VPS13C: variants seen among roughly 807,000 people sequenced by gnomAD.
VPS13C encodes the protein intermembrane lipid transfer protein VPS13C.
A neutral mutation model predicts 456.8 loss-of-function variants in VPS13C; 358 were observed. The ratio of observed to expected loss-of-function variants is 0.78; its 90% CI spans 0.72 to 0.86. The LOEUF (loss-of-function observed/expected upper bound fraction) is 0.86. Among genes scored for constraint, VPS13C ranks in the 40% least tolerant of loss-of-function variants. The pLI is 0.00. For missense variants in VPS13C, 4,818 were observed against 4,385.4 expected (o/e 1.10, Z -2.79); for synonymous variants, 1,578 against 1,486.7 (o/e 1.06, Z -1.41).
intron 51 of VPS13C, among the ~76,000 whole-genome samples, chr15:61,928,793 T>C (rs2140213933): frequency 6.6e-6 from 1 of 151,872 alleles, no homozygotes; most frequent in African/African-American, 2.4e-5. Context: ...GTGGGAGAAC[T>C]GCTTGAGCCC....
intron 40 of VPS13C, 137 bp from the exon 41 acceptor site, chr15:61,950,554 T>TAAA: frequency 1.6e-6 from 1 of 642,258 alleles, no homozygotes; most frequent in Non-Finnish European, 2.5e-6. Context: ...AGAAAGCCAT[T>TAAA]CAAAAAAAAA....
At chr15:62,041,802 A>C (rs916106773) in intron 2 of VPS13C, among the ~76,000 whole-genome samples, 13 of 152,238 alleles carry the variant, frequency 8.5e-5, no homozygotes, top group South Asian at 4.1e-4. Flanking sequence ...CCTGGGTGAC[A>C]AGACAAAACT....
chr15:61,956,550 T>C (rs1458657339), intron 37 of VPS13C, among the ~76,000 whole-genome samples: 1 of 152,078 alleles, frequency 6.6e-6, no homozygotes, highest in East Asian at 1.9e-4. Context: ...CATATATGCA[T>C]ACAACACACA....
chr15:61,940,986 C>T (rs1432654636), intron 46 of VPS13C, among the ~76,000 whole-genome samples, 192 bp from the exon 47 acceptor site: 2 of 152,140 alleles, frequency 1.3e-5, no homozygotes, highest in South Asian at 2.1e-4. Flanking sequence ...ATATGCAGAG[C>T]TATCCAAAAC....
intron 1 of VPS13C, among the ~76,000 whole-genome samples, chr15:62,052,046 T>C (rs1438697540): frequency 6.6e-6 from 1 of 152,116 alleles, no homozygotes; most frequent in Non-Finnish European, 1.5e-5. Flanking sequence ...AAGAATAGAA[T>C]CTATGTCTCC....
At position 61,915,614 on chromosome 15, in the gene VPS13C, T is replaced by G; in HGVS notation, c.8445+19A>C. 1 of 1,553,750 alleles carries G rather than the reference T, an allele frequency of 6.4e-7. No individual in the cohort carries two copies. ...TAGGAATTTATCTGCTTTAACTTAT[T>G]ATGTGAACAAAACCACACCTTATTT... On this transcript the variant is annotated intron_variant, in intron 61 of 84. Coordinates refer to ENST00000644861, the MANE Select transcript of VPS13C (RefSeq NM_020821.3).
intron 79 of VPS13C, among the ~76,000 whole-genome samples, chr15:61,870,102 C>A (rs1327741824): frequency 6.6e-6 from 1 of 152,134 alleles, no homozygotes; most frequent in Non-Finnish European, 1.5e-5. Flanking sequence ...TTAAAATGTA[C>A]AAATTAAATT....
chr15:61,869,679 G>A (rs1286018891), intron 79 of VPS13C, 56 bp from the exon 80 acceptor site: 1 of 1,605,172 alleles, frequency 6.2e-7, no homozygotes, highest in African/African-American at 1.3e-5. Flanking sequence ...GAGCAAGTTT[G>A]AGCTCAACCA....
At chr15:62,015,066 G>A (rs1296860805) in intron 9 of VPS13C, among the ~76,000 whole-genome samples, 1 of 152,064 alleles carries the variant, frequency 6.6e-6, no homozygotes, top group Non-Finnish European at 1.5e-5. Flanking sequence ...CAGACAATAG[G>A]AGGTATATGA....
At chr15:61,940,915 CT>C in intron 46 of VPS13C, 121 bp from the exon 47 acceptor site, 1 of 971,126 alleles carries the variant, frequency 1.0e-6, no homozygotes, top group Non-Finnish European at 1.5e-6. Flanking sequence ...TAACAGAAGT[CT>C]TTTAGAATAC....
intron 49 of VPS13C, 120 bp downstream of exon 49, chr15:61,934,099 G>T: frequency 1.9e-6 from 1 of 532,198 alleles, no homozygotes; most frequent in Non-Finnish European, 3.1e-6. Context: ...AGGCCAAATA[G>T]AATTTTATAG....
At chr15:61,856,544 T>A in intron 82 of VPS13C, 135 bp from the exon 83 acceptor site, 1 of 964,964 alleles carries the variant, frequency 1.0e-6, no homozygotes, top group Non-Finnish European at 1.5e-6. Context: ...AAAAAAAACC[T>A]GCTTCATTTT....
intron 62 of VPS13C, among the ~76,000 whole-genome samples, chr15:61,912,712 T>C (rs567730239): frequency 6.7e-4 from 101 of 151,728 alleles, no homozygotes; most frequent in Non-Finnish European, 1.3e-3. Context: ...TACATATGTA[T>C]ACATGTACCA....
rs1009568820 is a variant in VPS13C, at chr15:61,858,015, C to T, written c.10953-1606G>A. Among the ~76,000 whole-genome samples the T allele has an allele frequency of 1.3e-5, 2 of 152,132 alleles. No individual in the cohort carries two copies. Among genetic ancestry groups the T allele is most frequent in the African/African-American group, 2.4e-5 (1 of 41,424 alleles). Reference sequence around the variant, plus strand: ...CAATCACTGTGGCAATCTCCAACACCACCATACATTTCCAAACAGTCTCCA... The same window carrying T: ...CAATCACTGTGGCAATCTCCAACACTACCATACATTTCCAAACAGTCTCCA... On this transcript the variant is annotated intron_variant, in intron 82 of 84. Coordinates refer to ENST00000644861, the MANE Select transcript of VPS13C (RefSeq NM_020821.3). This position sits in a 1 kb window ranked among gnomAD's most constrained non-coding sequence, Gnocchi z 4.4.
chr15:61,865,776 A>G (rs1017019079), intron 81 of VPS13C: 9 of 731,526 alleles, frequency 1.2e-5, no homozygotes, highest in Non-Finnish European at 1.5e-5. Flanking sequence ...GTGTGTATAT[A>G]TGTATGTGTA....
intron 12 of VPS13C, among the ~76,000 whole-genome samples, chr15:62,011,518 G>C (rs1302933830): frequency 6.6e-6 from 1 of 151,890 alleles, no homozygotes. Context: ...AACAACGTGA[G>C]TATGAAAGCT....
In VPS13C at chr15:61,867,486, C is replaced by A; in HGVS notation, c.10863+1173G>T. ...TCCCGTAACTTAAGCAAATTTAGAGCCATTTGTGAAACAGAAAGCTATGTA... is the reference window on the plus strand; with the variant it reads ...TCCCGTAACTTAAGCAAATTTAGAGACATTTGTGAAACAGAAAGCTATGTA... On this transcript the variant is annotated intron_variant, in intron 81 of 84. Coordinates refer to ENST00000644861, the MANE Select transcript of VPS13C (RefSeq NM_020821.3). This position sits in a 1 kb window ranked among gnomAD's most constrained non-coding sequence, Gnocchi z 5.0. 1.0e-6 allele frequency: 1 copy of A among 988,228 alleles called. No individual in the cohort carries two copies. The highest frequency in any genetic ancestry group is 1.2e-6 in the Non-Finnish European group (1 of 832,118). 61.2% of individuals were successfully genotyped at this position (988,228 alleles called of 1,614,324 possible). A position where few individuals can be genotyped will look rare whatever the true frequency, so the allele number is the denominator to read the frequency against.
chr15:61,892,520 G>C (rs902872218), intron 66 of VPS13C, among the ~76,000 whole-genome samples: 5 of 152,134 alleles, frequency 3.3e-5, no homozygotes, highest in Admixed American at 3.3e-4. Context: ...ACATATTCTA[G>C]AAAGACCAAA....
chr15:61,962,811 G>C lies in VPS13C; in HGVS notation c.3373C>G (p.Leu1125Val), dbSNP rs754415374. Residue 1125 changes from leucine to valine, a missense_variant, in exon 33 of 85, where the codon CTT becomes GTT. Physicochemically the swap from Leu to Val is conservative, Grantham distance 32 (BLOSUM62 1). This residue lies in a region of VPS13C where 4,552 missense variants were observed against 4,130.6 expected (regional missense o/e 1.10). Transcript: ENST00000644861. ...ATAATATTTTCTAGTCGGGCAAAAA[G>C]TGACTGCTTTCTTGACTGGAGAGAA... is the stretch of plus-strand genomic sequence containing the variant. ...SLSLQSRKQS[L>V]FARLENIIVT... The C allele has an allele frequency of 6.2e-7, 1 of 1,607,156 alleles. No individual in the cohort carries two copies. Among genetic ancestry groups the C allele is most frequent in the Non-Finnish European group, 8.5e-7 (1 of 1,175,830 alleles).
Sources: gnomAD v4.1 joint callset for allele counts (sites outside exome capture counted in the v4.1 genomes callset) on GRCh38, gnomAD v4.1.1 for gene constraint, gnomAD v4.1.1 regional missense constraint, Gnocchi (gnomAD v3.1) non-coding constraint, MANE v1.5 for transcripts, NCBI Gene and HGNC (gene_info 2026-07-23, HGNC 2026-07-21) for gene names.